Variants in CEP70 observed in about 807,000 individuals in gnomAD.
CEP70 encodes the protein centrosomal protein of 70 kDa.
A neutral mutation model predicts 90.9 loss-of-function variants in CEP70; 70 were observed. The observed-to-expected ratio is 0.77, with a 90% CI of 0.64 to 0.94. The LOEUF is 0.94. Ranked by LOEUF, CEP70 falls within the 40% of genes least tolerant of loss-of-function variation. The pLI is 0.00. For synonymous variants in CEP70, 220 were observed against 228.3 expected (o/e 0.96, Z 0.33); for missense variants, 648 against 669.0 (o/e 0.97, Z 0.35).
chr3:138,552,924 A>G (rs192773465), intron 6 of CEP70, among the ~76,000 whole-genome samples: 2 of 152,286 alleles, frequency 1.3e-5, no homozygotes, highest in African/African-American at 4.8e-5. Flanking sequence ...AAATTGATAG[A>G]CCACTAGCAA....
chr3:138,577,516 C>T (rs2041613424), intron 2 of CEP70, among the ~76,000 whole-genome samples: 3 of 152,022 alleles, frequency 2.0e-5, no homozygotes, highest in Admixed American at 1.3e-4. Context: ...GGTGTGGTGG[C>T]TCATGCCTGT....
At chr3:138,517,220 G>A (rs988881846) in intron 11 of CEP70, among the ~76,000 whole-genome samples, 9 of 151,704 alleles carry the variant, frequency 5.9e-5, no homozygotes, top group African/African-American at 1.9e-4. Flanking sequence ...TACCTTTTTT[G>A]TTCTCACTTA....
chr3:138,547,677 T>A (rs1011578861), intron 6 of CEP70, among the ~76,000 whole-genome samples: 22 of 152,222 alleles, frequency 1.4e-4, no homozygotes, highest in African/African-American at 5.1e-4. Context: ...TTAAGTAAAA[T>A]AAGGGTTACC....
chr3:138,530,045 G>A (rs889739334), intron 8 of CEP70, among the ~76,000 whole-genome samples: 52 of 152,136 alleles, frequency 3.4e-4, no homozygotes, highest in Admixed American at 3.1e-3. Context: ...CAGGACTGGT[G>A]TAAAAAGCAA....
intron 13 of CEP70, among the ~76,000 whole-genome samples, chr3:138,501,619 A>G (rs187294122): frequency 6.6e-6 from 1 of 152,308 alleles, no homozygotes; most frequent in East Asian, 1.9e-4. Context: ...ATGTATCTCC[A>G]GGCAAGTTTT....
chr3:138,510,725 TTGTCAGTG>T (rs1249349936), intron 11 of CEP70, among the ~76,000 whole-genome samples: 2 of 152,086 alleles, frequency 1.3e-5, no homozygotes, highest in African/African-American at 4.8e-5. Context: ...TAGTCCCCCC[TTGTCAGTG>T]GGGGATACAT....
intron 6 of CEP70, among the ~76,000 whole-genome samples, chr3:138,551,099 A>G (rs991917698): frequency 6.6e-6 from 1 of 152,248 alleles, no homozygotes; most frequent in Non-Finnish European, 1.5e-5. Flanking sequence ...AAAGGAAAGA[A>G]TCTTAAGAGC....
At chr3:138,588,056 GAGAA>G (rs1220448191) in intron 2 of CEP70, among the ~76,000 whole-genome samples, 1 of 150,906 alleles carries the variant, frequency 6.6e-6, no homozygotes, top group Admixed American at 6.6e-5. Context: ...ACAAAAAAAA[GAGAA>G]AGAAACAGGA....
intron 11 of CEP70, among the ~76,000 whole-genome samples, chr3:138,516,214 C>A (rs2036004605): frequency 6.6e-6 from 1 of 152,132 alleles, no homozygotes. Flanking sequence ...ATTTTGTTTA[C>A]CACTGCAACC....
At chr3:138,527,218 T>C (rs2037343558) in intron 10 of CEP70, among the ~76,000 whole-genome samples, 1 of 151,792 alleles carries the variant, frequency 6.6e-6, no homozygotes, top group South Asian at 2.1e-4. Flanking sequence ...CAGGTTGGAG[T>C]GTGGTGGTGT....
In CEP70 at chr3:138,497,930, A is replaced by G. The variant is rs933840609; in HGVS notation, c.1732+101T>C. ...CCAGAACTGTTAGTGGTTTCCAACC[A>G]CTAGGTAAAAATACTAATCCAGTGA... is the stretch of plus-strand genomic sequence containing the variant. On this transcript the variant is annotated intron_variant, in intron 17 of 17. Transcript: ENST00000264982. 9.8e-6 allele frequency: 15 copies of G among 1,535,966 alleles called. No individual in the cohort carries two copies. The East Asian group carries it at 2.9e-4, about 30-fold the overall frequency.
At chr3:138,529,848 C>T (rs1290742310) in intron 8 of CEP70, among the ~76,000 whole-genome samples, 1 of 152,046 alleles carries the variant, frequency 6.6e-6, no homozygotes, top group Non-Finnish European at 1.5e-5. Context: ...TTTTTTCCTT[C>T]TAGTACATTT....
chr3:138,540,133 G>T (rs1436909167), intron 6 of CEP70, among the ~76,000 whole-genome samples: 1 of 152,094 alleles, frequency 6.6e-6, no homozygotes, highest in East Asian at 1.9e-4. Flanking sequence ...TCATTAAGAA[G>T]TCGGCAAAGG....
intron 6 of CEP70, among the ~76,000 whole-genome samples, chr3:138,557,367 A>G (rs1195752637): frequency 1.3e-5 from 2 of 152,184 alleles, no homozygotes; most frequent in African/African-American, 4.8e-5. Flanking sequence ...GGCGACATAC[A>G]TCCTCCTCAG....
At position 138,537,257 on chromosome 3, in the gene CEP70, C is replaced by T. The variant is rs1482009964; in HGVS notation, c.556G>A (p.Glu186Lys). ...TTTTGAGTGACAATGCGATCTTCTT[C>T]CTCCTTTTTTAATCTACAGACTTCC... The part of the protein sequence containing the change: ...QMEVCRLKKE[E>K]EDRIVTQNRV... Residue 186 changes from glutamate to lysine, a missense_variant, in exon 7 of 18, where the codon GAA becomes AAA. Transcript: ENST00000264982. 3 of 1,607,952 alleles carry T rather than the reference C, an allele frequency of 1.9e-6. No individual in the cohort carries two copies. The African/African-American group carries it at 4.0e-5, about 22-fold the overall frequency.
chr3:138,577,771 A>T (rs574462683), intron 2 of CEP70, among the ~76,000 whole-genome samples: 2 of 152,156 alleles, frequency 1.3e-5, no homozygotes, highest in East Asian at 3.9e-4. Context: ...ATCAGTAATT[A>T]CATTAATCAT....
intron 5 of CEP70, 93 bp from the exon 6 acceptor site, chr3:138,570,591 G>C: frequency 1.0e-6 from 1 of 964,342 alleles, no homozygotes; most frequent in Non-Finnish European, 1.5e-6. Flanking sequence ...CCTTTCTAAA[G>C]TTTCTTTGCA....
intron 6 of CEP70, among the ~76,000 whole-genome samples, chr3:138,540,436 A>C (rs920343218): frequency 1.3e-5 from 2 of 151,188 alleles, no homozygotes; most frequent in Non-Finnish European, 2.9e-5. Flanking sequence ...GTGAGCCGAG[A>C]CCACACCACT....
chr3:138,525,468 A>C (rs746329438), intron 11 of CEP70, 22 bp downstream of exon 11: 1 of 1,116,914 alleles, frequency 9.0e-7, no homozygotes, highest in Non-Finnish European at 1.2e-6. Context: ...AAAAGAGGCA[A>C]TTTTGGTAAA....
Sources: allele counts gnomAD v4.1 joint callset (sites outside exome capture counted in the v4.1 genomes callset), GRCh38; gene constraint gnomAD v4.1.1; transcripts MANE v1.5; gene names NCBI Gene and HGNC (gene_info 2026-07-23, HGNC 2026-07-21).